DNAH11: variants seen among roughly 807,000 people sequenced by gnomAD.
DNAH11 encodes axonemal beta dynein heavy chain 11.
A neutral mutation model predicts 526.0 loss-of-function variants in DNAH11; 442 were observed. The ratio of observed to expected loss-of-function variants is 0.84; its 90% confidence interval spans 0.78 to 0.91. The LOEUF is 0.91. Ranked by LOEUF, DNAH11 falls within the 40% of genes least tolerant of loss-of-function variation. DNAH11 has a pLI of 0.00. For missense variants in DNAH11, 6,989 were observed against 5,448.7 expected (o/e 1.28, Z -8.90); for synonymous variants, 2,461 against 1,935.9 (o/e 1.27, Z -7.12).
rs752199848 is a variant in DNAH11 at position 21,617,655 on chromosome 7, G to A, written c.4132G>A (p.Asp1378Asn). The change falls in exon 23 of 82, where the codon GAT becomes AAT. Residue 1378 changes from aspartate (D) to asparagine (N), a missense_variant. Asp to Asn is a conservative substitution (Grantham distance 23). Coordinates refer to ENST00000409508, the MANE Select transcript of DNAH11 (RefSeq NM_001277115.2). ...WSLNKEVRVW[D>N]AYTGLEGTVK... is the part of the protein sequence containing the mutation. Reference sequence around the variant, plus strand: ...ACTCAACAAGGAAGTCCGCGTCTGGGATGCTTACACGGGCCTGGAAGGCAC... The same window carrying A: ...ACTCAACAAGGAAGTCCGCGTCTGGAATGCTTACACGGGCCTGGAAGGCAC... 3.7e-6 allele frequency: 6 copies of A among 1,613,720 alleles called. No homozygotes were observed. In the Admixed American group the frequency reaches 6.7e-5, roughly 18 times the overall value.
At chr7:21,695,590 C>T (rs1440836091) in intron 35 of DNAH11, among the ~76,000 whole-genome samples, 1 of 152,178 alleles carries the variant, frequency 6.6e-6, no homozygotes, top group Non-Finnish European at 1.5e-5. Context: ...CAAAAATTAA[C>T]TCAAGATGGC....
chr7:21,636,475 C>T lies in DNAH11; in HGVS notation c.4725+380C>T, dbSNP rs143845661. ...GTAGGCTAGGCTCGGTGGCTCACACCTATAATCCCAGCCTTTTGGGAGTCC... is the reference window on the plus strand; with the variant it reads ...GTAGGCTAGGCTCGGTGGCTCACACTTATAATCCCAGCCTTTTGGGAGTCC... On this transcript the variant is annotated intron_variant, in intron 26 of 81. Transcript: ENST00000409508. Among the ~76,000 whole-genome samples the T allele has an allele frequency of 4.5e-3, 682 of 152,000 alleles. 5 individuals carry two copies. The highest frequency in any genetic ancestry group is 4.3e-3 in the Non-Finnish European group (295 of 67,960).
chr7:21,852,405 T>C (rs1393880641), intron 66 of DNAH11, 62 bp from the exon 67 acceptor site: 2 of 1,242,634 alleles, frequency 1.6e-6, no homozygotes, highest in East Asian at 2.7e-5. Flanking sequence ...AGACTTCCTC[T>C]AAAAAAAAAA....
At chr7:21,616,110 A>T in intron 21 of DNAH11, 99 bp from the exon 22 acceptor site, 2 of 880,856 alleles carry the variant, frequency 2.3e-6, no homozygotes, top group Non-Finnish European at 3.6e-6. Flanking sequence ...TTTCCACTGG[A>T]TGATAGAGTT....
intron 62 of DNAH11, among the ~76,000 whole-genome samples, chr7:21,806,761 C>A (rs537749889): frequency 2.0e-5 from 3 of 152,190 alleles, no homozygotes; most frequent in South Asian, 2.1e-4. Context: ...TAGTGAACTA[C>A]CCTGCAGTTC....
At chr7:21,854,255 G>A (rs1040290834) in intron 67 of DNAH11, 60 bp from the exon 68 acceptor site, 14 of 1,559,736 alleles carry the variant, frequency 9.0e-6, no homozygotes, top group Non-Finnish European at 1.2e-5. Flanking sequence ...CCATTCCTTG[G>A]ATATGCGTAG....
chr7:21,798,903 C>T (rs1234113477), intron 61 of DNAH11, among the ~76,000 whole-genome samples: 2 of 151,940 alleles, frequency 1.3e-5, no homozygotes, highest in Non-Finnish European at 2.9e-5. Flanking sequence ...ACATGGTGAG[C>T]TTATTAATAT....
rs375306696 is a variant in DNAH11, at chr7:21,616,340, A to C, written c.4095+48A>C. On this transcript the variant is annotated intron_variant, in intron 22 of 81. Coordinates refer to ENST00000409508, the MANE Select transcript of DNAH11 (RefSeq NM_001277115.2). ...ACAACAATTTATCTTTCTCAGCACC[A>C]CCTCCTTCCATCTTCCCTAATCTAG... 2.7e-4 allele frequency: 379 copies of C among 1,428,962 alleles called. 2 individuals are homozygous for C. The African/African-American group carries it at 4.1e-3, about 15-fold the overall frequency. The allele number at this position is 1,428,962 out of a possible 1,614,324, so 88.5% of individuals were successfully genotyped here.
intron 34 of DNAH11, among the ~76,000 whole-genome samples, chr7:21,690,204 A>G (rs1274659042): frequency 6.6e-6 from 1 of 152,218 alleles, no homozygotes; most frequent in African/African-American, 2.4e-5. Flanking sequence ...TAGGATAATT[A>G]ACTTGCCTAA....
At chr7:21,757,386 G>A (rs1786685047) in intron 54 of DNAH11, among the ~76,000 whole-genome samples, 1 of 152,142 alleles carries the variant, frequency 6.6e-6, no homozygotes, top group Non-Finnish European at 1.5e-5. Context: ...AAAAGGTGTT[G>A]CAGTTTATCC....
At position 21,704,555 on chromosome 7, in the gene DNAH11, T is replaced by C. The variant is rs752730144; in HGVS notation, c.6395T>C (p.Leu2132Pro). 1 of 1,613,892 alleles carries C rather than the reference T, an allele frequency of 6.2e-7. No homozygotes were observed. Among genetic ancestry groups the C allele is most frequent in the Admixed American group, 1.7e-5 (1 of 59,976 alleles). Residue 2132 changes from leucine to proline, a missense_variant, in exon 38 of 82, where the codon CTG (leucine) becomes CCG (proline). Transcript: ENST00000409508. ...PALDVPRRRK[L>P]HFEQMVRQST... ...CTGGATGTGCCCCGGAGGAGGAAGC[T>C]GCACTTTGAACAGATGGTCAGGCAG...
chr7:21,639,109 AG>A, intron 28 of DNAH11, 44 bp downstream of exon 28: 1 of 1,560,466 alleles, frequency 6.4e-7, no homozygotes, highest in South Asian at 1.2e-5. Flanking sequence ...GTGTTAGCTG[AG>A]GAATGTCATA....
At chr7:21,846,014 T>C (rs1374055919) in intron 66 of DNAH11, among the ~76,000 whole-genome samples, 1 of 152,174 alleles carries the variant, frequency 6.6e-6, no homozygotes, top group African/African-American at 2.4e-5. Flanking sequence ...CATTGTGTTT[T>C]AAATTTCAAA....
intron 20 of DNAH11, among the ~76,000 whole-genome samples, chr7:21,612,868 G>A (rs1785589471): frequency 6.6e-6 from 1 of 152,166 alleles, no homozygotes; most frequent in Non-Finnish European, 1.5e-5. Flanking sequence ...GAAAATCAGT[G>A]TAATTAATTG....
At chr7:21,552,969 T>A (rs1402315629) in intron 2 of DNAH11, among the ~76,000 whole-genome samples, 1 of 152,054 alleles carries the variant, frequency 6.6e-6, no homozygotes, top group Non-Finnish European at 1.5e-5. Context: ...ACTGAGAGAA[T>A]TGGAGTGTTG....
At chr7:21,816,800 T>C (rs550571893) in intron 64 of DNAH11, 98 bp downstream of exon 64, 12 of 918,540 alleles carry the variant, frequency 1.3e-5, no homozygotes, top group African/African-American at 1.2e-4. Flanking sequence ...CTCCACCACA[T>C]TGATGTATTA....
At chr7:21,862,044 A>G in intron 69 of DNAH11, 21 bp downstream of exon 69, 1 of 1,592,604 alleles carries the variant, frequency 6.3e-7, no homozygotes, top group Non-Finnish European at 8.6e-7. Flanking sequence ...CAGTTACTTG[A>G]AAAAGGATCC....
chr7:21,860,945 C>T (rs1379235859), intron 68 of DNAH11, among the ~76,000 whole-genome samples: 1 of 152,128 alleles, frequency 6.6e-6, no homozygotes, highest in East Asian at 1.9e-4. Flanking sequence ...GAGAGTTATT[C>T]ACTACCACCA....
intron 68 of DNAH11, among the ~76,000 whole-genome samples, chr7:21,860,937 G>A (rs1583783702): frequency 1.3e-5 from 2 of 152,164 alleles, no homozygotes; most frequent in East Asian, 3.9e-4. Context: ...GATCTCATGA[G>A]AGTTATTCAC....
Sources: allele counts gnomAD v4.1 joint callset (sites outside exome capture counted in the v4.1 genomes callset), GRCh38; gene constraint gnomAD v4.1.1; transcripts MANE v1.5; gene names NCBI Gene and HGNC (gene_info 2026-07-23, HGNC 2026-07-21).